Variants in YIF1A observed in about 807,000 individuals in gnomAD.
YIF1A encodes the protein Yip1 interacting factor homolog A, membrane trafficking protein.
YIF1A carries 28 observed loss-of-function variants against 32.6 expected under a neutral mutation model. The observed-to-expected ratio is 0.86, with a 90% confidence interval of 0.64 to 1.18. YIF1A has a LOEUF of 1.18. Ranked by LOEUF, YIF1A falls within the 50% of genes most tolerant of loss-of-function variation. The pLI is 0.00. For synonymous variants in YIF1A, 175 were observed against 162.2 expected, an observed-to-expected ratio of 1.08 and a Z score of -0.60; for missense variants, 373 against 390.8, an observed-to-expected ratio of 0.95 and a Z score of 0.38.
Position 66,287,554 on chromosome 11 carries a change from C to T in YIF1A, c.427+44G>A, listed in dbSNP as rs80286472. On this transcript the variant is annotated intron_variant, in intron 4 of 7. Coordinates refer to ENST00000376901, the MANE Select transcript of YIF1A (RefSeq NM_020470.3). The stretch of plus-strand genomic sequence containing the variant: ...CATCCCTCAAGGCACAAGTCCCCCC[C>T]GACCCCACCCCACCACGTTCCCCAG... The T allele has an allele frequency of 5.9e-5, 92 of 1,560,714 alleles. 1 individual carries two copies. In the East Asian group the frequency reaches 1.2e-3, roughly 20 times the overall value.
At chr11:66,286,066 G>A (rs555518700) in intron 4 of YIF1A, among the ~76,000 whole-genome samples, 38 of 152,312 alleles carry the variant, frequency 2.5e-4, no homozygotes, top group South Asian at 1.5e-3. Flanking sequence ...CCATTGTTCC[G>A]CCTATACAGG....
Position 66,284,927 on chromosome 11 carries a change from G to A in YIF1A, c.681C>T (p.Ser227=), listed in dbSNP as rs779561696. 31 of 1,613,266 alleles carry A rather than the reference G, an allele frequency of 1.9e-5. No homozygotes were observed. The highest frequency in any genetic ancestry group is 6.7e-5 in the African/African-American group (5 of 74,912). ...LSVLTGLLFG[S]DGYYVALAWT... ...AGGCCAGCGCCACGTAGTAGCCATC[G>A]CTGCCGAACAGCAGCCCCGTGAGCA... The change falls in exon 7 of 8, where the codon AGC becomes AGT. Residue 227 remains serine, a synonymous_variant. Transcript: ENST00000376901.
In YIF1A at chr11:66,287,605, A is replaced by G. The variant is rs1857375893; in HGVS notation, c.420T>C (p.Tyr140=). 1 of 1,611,270 alleles carries G rather than the reference A, an allele frequency of 6.2e-7. No homozygotes were observed. Among genetic ancestry groups the G allele is most frequent in the Non-Finnish European group, 8.5e-7 (1 of 1,178,706 alleles). Residue 140 remains tyrosine, a synonymous_variant, in exon 4 of 8, where the codon TAT becomes TAC. Coordinates refer to ENST00000376901, the MANE Select transcript of YIF1A (RefSeq NM_020470.3). ...PRQDLNAPDL[Y]IPTMAFITYV... ...CCCAGGTTGGAGACTCACTGGGGAT[A>G]TAGAGGTCAGGGGCGTTGAGGTCTT...
In YIF1A at chr11:66,287,929, A is replaced by G. The variant is rs1417095820; in HGVS notation, c.244-13T>C. 1 of 1,612,192 alleles carries G rather than the reference A, an allele frequency of 6.2e-7. No homozygotes were observed. Among genetic ancestry groups the G allele is most frequent in the Non-Finnish European group, 8.5e-7 (1 of 1,179,684 alleles). ...CAAAACGGTGCAGCTGGGAGGGGAG[A>G]GAGGAAGCTGTGGGCAAGCCGCACC... On this transcript the variant is annotated splice_polypyrimidine_tract_variant and intron_variant, in intron 2 of 7. Coordinates refer to ENST00000376901, the MANE Select transcript of YIF1A (RefSeq NM_020470.3).
chr11:66,287,764 T>C (rs758783677), intron 3 of YIF1A, 48 bp downstream of exon 3: 2 of 1,611,032 alleles, frequency 1.2e-6, no homozygotes, highest in East Asian at 4.5e-5. Context: ...GGGGCCAGAC[T>C]CGGGCAGAAT....
chr11:66,284,936 C>T lies in YIF1A; in HGVS notation c.672G>A (p.Leu224=). The part of the protein sequence containing the change: ...GMILSVLTGL[L]FGSDGYYVAL... ...CCACGTAGTAGCCATCGCTGCCGAA[C>T]AGCAGCCCCGTGAGCACACTGAGGA... is the stretch of plus-strand genomic sequence containing the variant. Residue 224 remains leucine, a synonymous_variant, in exon 7 of 8, where the codon CTG becomes CTA. Transcript: ENST00000376901. The T allele has an allele frequency of 1.2e-6, 2 of 1,613,302 alleles. No individual in the cohort carries two copies. Among genetic ancestry groups the T allele is most frequent in the Non-Finnish European group, 1.7e-6 (2 of 1,179,964 alleles).
chr11:66,285,832 C>T, intron 4 of YIF1A, 74 bp from the exon 5 acceptor site: 1 of 1,512,382 alleles, frequency 6.6e-7, no homozygotes, highest in Non-Finnish European at 9.1e-7. Flanking sequence ...TTCGGGTTCA[C>T]CGACATGTCC....
At position 66,284,732 on chromosome 11, in the gene YIF1A, CG is replaced by C; in HGVS notation, c.786del (p.Val263SerfsTer10). The C allele has an allele frequency of 1.2e-6, 2 of 1,612,136 alleles. No homozygotes were observed. On this transcript the variant is annotated frameshift_variant, in exon 8 of 8. Coordinates refer to ENST00000376901, the MANE Select transcript of YIF1A (RefSeq NM_020470.3). LOFTEE classifies it high-confidence loss of function. ...AALGPDSMGGPVPRQRLQLYL... is the reference protein window; with the variant it reads ...AALGPDSMGGXVPRQRLQLYL... ...TAGAGCTGGAGACGCTGCCGGGGGA[CG>C]GGGCCCCCCATGCTGTCGGGGCCCA... is the stretch of plus-strand genomic sequence containing the variant.
rs904228216 is a variant in YIF1A, at chr11:66,288,112, G to A, written c.212C>T (p.Ala71Val). ...GTGCACCATGTCCTTCCCATGGGAT[G>A]CGATGGAGCTGCCATAGGCCATAGC... Reference protein sequence around the residue: ...NVAMAYGSSIASHGKDMVHKE... With the variant: ...NVAMAYGSSIVSHGKDMVHKE... The change falls in exon 2 of 8, where the codon GCA becomes GTA. Residue 71 changes from alanine to valine, a missense_variant. Transcript: ENST00000376901. The A allele has an allele frequency of 8.1e-6, 13 of 1,613,956 alleles. No homozygotes were observed. The highest frequency in any genetic ancestry group is 1.1e-5 in the Non-Finnish European group (13 of 1,180,010).
rs1487283846 is a variant in YIF1A at position 66,287,898 on chromosome 11, C to G, written c.262G>C (p.Val88Leu). ...VHKELHRFVS[V>L]SKLKYFFAVD... ...GCAAAAAAATACTTGAGTTTGCTCA[C>G]AGACACAAAACGGTGCAGCTGGGAG... Residue 88 changes from valine to leucine, a missense_variant, in exon 3 of 8, where the codon GTG (valine) becomes CTG (leucine). Val to Leu is a conservative substitution (Grantham distance 32, BLOSUM62 1). Coordinates refer to ENST00000376901, the MANE Select transcript of YIF1A (RefSeq NM_020470.3). 1 of 1,613,610 alleles carries G rather than the reference C, an allele frequency of 6.2e-7. No homozygotes were observed.
rs781271279 is a variant in YIF1A at position 66,285,669 on chromosome 11, AG to A, written c.485+31del. The A allele has an allele frequency of 4.1e-5, 66 of 1,612,350 alleles. No homozygotes were observed. In the Middle Eastern group the frequency reaches 4.9e-4, roughly 12 times the overall value. ...GAGGTTGGGAGAAGAGCTCACAGGG[AG>A]GGGAGGGTAAGGGAGGGGCTTGGCA... On this transcript the variant is annotated intron_variant, in intron 5 of 7. Transcript: ENST00000376901.
chr11:66,286,637 G>GA (rs972048194), intron 4 of YIF1A, among the ~76,000 whole-genome samples: 17 of 151,216 alleles, frequency 1.1e-4, no homozygotes, highest in South Asian at 2.1e-4. Flanking sequence ...AAAAGAAGAA[G>GA]AAAAAAAAAG....
intron 1 of YIF1A, 92 bp downstream of exon 1, chr11:66,288,863 G>C: frequency 7.3e-7 from 1 of 1,362,472 alleles, no homozygotes; most frequent in Non-Finnish European, 9.5e-7. Flanking sequence ...CCTGGGCGGC[G>C]GTCCCAGTCG....
rs907728455 is a variant in YIF1A, at chr11:66,285,892, C to A, written c.428-134G>T. On this transcript the variant is annotated intron_variant, in intron 4 of 7. Coordinates refer to ENST00000376901, the MANE Select transcript of YIF1A (RefSeq NM_020470.3). ...AGCATGGCCTGACCTCCACATTCTGCTTCCAAATGCCCTGCCTGGAATGCC... is the reference window on the plus strand; with the variant it reads ...AGCATGGCCTGACCTCCACATTCTGATTCCAAATGCCCTGCCTGGAATGCC... 4.0e-5 allele frequency: 39 copies of A among 979,476 alleles called. No homozygotes were observed. The South Asian group carries it at 6.1e-4, about 15-fold the overall frequency. 60.7% of individuals were successfully genotyped at this position (979,476 alleles called of 1,614,324 possible).
intron 1 of YIF1A, 89 bp from the exon 2 acceptor site, chr11:66,288,381 CG>C: frequency 6.5e-7 from 1 of 1,528,408 alleles, no homozygotes; most frequent in Non-Finnish European, 9.0e-7. Context: ...CAGCCCTGCA[CG>C]GGTCCTGGAG....
At chr11:66,285,977 C>G (rs1157890258) in intron 4 of YIF1A, among the ~76,000 whole-genome samples, 1 of 152,264 alleles carries the variant, frequency 6.6e-6, no homozygotes, top group Non-Finnish European at 1.5e-5. Flanking sequence ...TCCAGAACCA[C>G]AAGCCACCTT....
Position 66,288,400 on chromosome 11 carries a change from T to A in YIF1A, c.32-108A>T. 4 of 1,330,464 alleles carry A rather than the reference T, an allele frequency of 3.0e-6. No individual in the cohort carries two copies. In the South Asian group the frequency reaches 3.8e-5, roughly 13 times the overall value. 82.4% of individuals were successfully genotyped at this position (1,330,464 alleles called of 1,614,324 possible). ...CCTGCACGGGTCCTGGAGGCACCGA[T>A]CAGTGAGGGGACCCCAAGCTGGGTG... On this transcript the variant is annotated intron_variant, in intron 1 of 7. Coordinates refer to ENST00000376901, the MANE Select transcript of YIF1A (RefSeq NM_020470.3).
chr11:66,286,666 C>CGGG (rs1265309167), intron 4 of YIF1A, among the ~76,000 whole-genome samples: 2 of 152,136 alleles, frequency 1.3e-5, no homozygotes, highest in Non-Finnish European at 2.9e-5. Context: ...TGACCACCAG[C>CGGG]GGGGAGTGTC....
Position 66,289,081 on chromosome 11 carries a change from G to C in YIF1A, c.-96C>G. On this transcript the variant is annotated 5_prime_UTR_variant, in exon 1 of 8. Transcript: ENST00000376901. ...GCTCCGCGCCCAGGGTACCGACCGA[G>C]GCCACCCGGCCGCGCGACACGTCCC... 7.0e-7 allele frequency: 1 copy of C among 1,437,726 alleles called. No individual in the cohort carries two copies. Among genetic ancestry groups the C allele is most frequent in the Non-Finnish European group, 9.1e-7 (1 of 1,094,502 alleles). The allele number at this position is 1,437,726 out of a possible 1,614,324, so 89.1% of individuals were successfully genotyped here.
Sources: allele counts gnomAD v4.1 joint callset (sites outside exome capture counted in the v4.1 genomes callset), GRCh38; gene constraint gnomAD v4.1.1; transcripts MANE v1.5; gene names NCBI Gene and HGNC (gene_info 2026-07-23, HGNC 2026-07-21).